RLBP1: variants seen among roughly 807,000 people sequenced by gnomAD.
RLBP1 encodes the protein retinaldehyde binding protein 1.
Under a neutral mutation model 36.2 loss-of-function variants are expected in RLBP1, and 26 were observed. The ratio of observed to expected loss-of-function variants is 0.72; its 90% CI spans 0.53 to 1.00. The LOEUF is 1.00. Among genes scored for constraint, RLBP1 ranks in the 50% least tolerant of loss-of-function variants. RLBP1 has a pLI of 0.00. For synonymous variants in RLBP1, 155 were observed against 156.2 expected (o/e 0.99, Z 0.06); for missense variants, 410 against 402.4 (o/e 1.02, Z -0.16).
At chr15:89,215,408 A>G (rs1164357551) in intron 5 of RLBP1, among the ~76,000 whole-genome samples, 170 bp from the exon 6 acceptor site, 1 of 152,206 alleles carries the variant, frequency 6.6e-6, no homozygotes, top group Non-Finnish European at 1.5e-5. Context: ...GGATCTCGAT[A>G]TTGACCTATC....
rs949654536 is a variant in RLBP1 at position 89,210,620 on chromosome 15, G to GGT, written c.795+77_795+78dup. 8.7e-6 allele frequency: 11 copies of GGT among 1,268,972 alleles called. No individual in the cohort carries two copies. In the Admixed American group the frequency reaches 2.2e-4, roughly 25 times the overall value. 78.6% of individuals were successfully genotyped at this position (1,268,972 alleles called of 1,614,324 possible). ...TGGGATCCACATAGCTCAGGACCAT[G>GGT]GTAGAGTGTGAGGAGGGCTCAGGTG... On this transcript the variant is annotated intron_variant, in intron 8 of 8. Transcript: ENST00000268125. This position sits in a 1 kb window ranked among gnomAD's most constrained non-coding sequence, Gnocchi z 4.7.
chr15:89,212,594 A>G (rs1423260910), intron 6 of RLBP1, among the ~76,000 whole-genome samples: 1 of 141,736 alleles, frequency 7.1e-6, no homozygotes, highest in Non-Finnish European at 1.5e-5. Context: ...TCAAAAAAAA[A>G]AAAAAAAAGA....
intron 4 of RLBP1, among the ~76,000 whole-genome samples, chr15:89,217,602 C>G (rs751209055): frequency 4.6e-5 from 7 of 152,266 alleles, no homozygotes; most frequent in African/African-American, 1.7e-4. Context: ...TAGCAACCTG[C>G]TAAGTCCTTT....
In RLBP1 at chr15:89,218,182, C is replaced by G. The variant is rs900630286; in HGVS notation, c.141+383G>C. On this transcript the variant is annotated intron_variant, in intron 4 of 8. Transcript: ENST00000268125. This position sits in a 1 kb window ranked among gnomAD's most constrained non-coding sequence, Gnocchi z 4.6. ...GACCCAGAGATGGAAAGCAATCTGC[C>G]TAAGGTCACACAGCAAGCTGAAAGT... 6.6e-6 allele frequency among the ~76,000 whole-genome samples: 1 copy of G among 152,218 alleles called. No homozygotes were observed. Among genetic ancestry groups the G allele is most frequent in the Non-Finnish European group, 1.5e-5 (1 of 68,040 alleles).
In RLBP1 at chr15:89,217,213, C is replaced by T. The variant is rs1447479751; in HGVS notation, c.253G>A (p.Ala85Thr). Residue 85 changes from alanine (A) to threonine (T), a missense_variant, in exon 5 of 9, where the codon GCG becomes ACG. Physicochemically the swap from Ala to Thr is moderately conservative, Grantham distance 58 (BLOSUM62 0). Transcript: ENST00000268125. ...CTGTCCTTCTCTTGCACCCTCTCCG[C>T]CACGGCCACCGCCAGCTCCTCCCCC... ...ASGEELAVAV[A>T]ERVQEKDSGF... 3 of 1,613,382 alleles carry T rather than the reference C, an allele frequency of 1.9e-6. No homozygotes were observed. The highest frequency in any genetic ancestry group is 2.2e-5 in the South Asian group (2 of 91,092).
chr15:89,219,117 T>C, intron 2 of RLBP1, 42 bp from the exon 3 acceptor site: 2 of 967,648 alleles, frequency 2.1e-6, no homozygotes, highest in Middle Eastern at 3.1e-4. Context: ...GTCTCAGAAC[T>C]GTGGATCTCA....
chr15:89,218,893 G>C lies in RLBP1; in HGVS notation c.12+71C>G. 3.2e-6 allele frequency: 5 copies of C among 1,559,544 alleles called. No homozygotes were observed. The highest frequency in any genetic ancestry group is 4.4e-6 in the Non-Finnish European group (5 of 1,133,344). On this transcript the variant is annotated intron_variant, in intron 3 of 8. Coordinates refer to ENST00000268125, the MANE Select transcript of RLBP1 (RefSeq NM_000326.5). The surrounding 1 kb of genome is among the most constrained non-coding windows in gnomAD (Gnocchi z 4.6). Reference sequence around the variant, plus strand: ...AGAGCATAAGATAGAGAAGTAAGGAGGGAGGGAGAGGGAAGAGAGAGAAGA... The same window carrying C: ...AGAGCATAAGATAGAGAAGTAAGGACGGAGGGAGAGGGAAGAGAGAGAAGA...
At position 89,210,598 on chromosome 15, in the gene RLBP1, G is replaced by A; in HGVS notation, c.795+101C>T. The A allele has an allele frequency of 2.4e-6, 3 of 1,224,968 alleles. No individual in the cohort carries two copies. Among genetic ancestry groups the A allele is most frequent in the Admixed American group, 3.9e-5 (2 of 50,850 alleles). The allele number at this position is 1,224,968 out of a possible 1,614,324, so 75.9% of individuals were successfully genotyped here. A position where few individuals can be genotyped will look rare whatever the true frequency, so the allele number is the denominator to read the frequency against. On this transcript the variant is annotated intron_variant, in intron 8 of 8. Transcript: ENST00000268125. This position sits in a 1 kb window ranked among gnomAD's most constrained non-coding sequence, Gnocchi z 4.7. Reference sequence around the variant, plus strand: ...AGGTCTCCATGTTGGGTGTCAGTGGGATCCACATAGCTCAGGACCATGGTA... The same window carrying A: ...AGGTCTCCATGTTGGGTGTCAGTGGAATCCACATAGCTCAGGACCATGGTA...
In RLBP1 at chr15:89,219,750, TC is replaced by T. The variant is rs1266497989; in HGVS notation, c.-115del. On this transcript the variant is annotated 5_prime_UTR_variant, in exon 2 of 9. Coordinates refer to ENST00000268125, the MANE Select transcript of RLBP1 (RefSeq NM_000326.5). Reference sequence around the variant, plus strand: ...CAGTACTCAGACCCAAGTTGTGACTTCCTGTCAGGACCAAGAGGCAGCCTGC... The same window carrying T: ...CAGTACTCAGACCCAAGTTGTGACTTCTGTCAGGACCAAGAGGCAGCCTGC... 1 of 152,262 alleles carries T rather than the reference TC, an allele frequency of 6.6e-6. No individual in the cohort carries two copies. Among genetic ancestry groups the T allele is most frequent in the East Asian group, 1.9e-4 (1 of 5,196 alleles). The allele number at this position is 152,262 out of a possible 1,614,324, so 9.4% of individuals were successfully genotyped here. A position where few individuals can be genotyped will look rare whatever the true frequency, so the allele number is the denominator to read the frequency against.
intron 6 of RLBP1, 131 bp from the exon 7 acceptor site, chr15:89,212,032 C>CACAGAAGTGGAATGT: frequency 1.1e-6 from 1 of 929,488 alleles, no homozygotes; most frequent in African/African-American, 1.6e-5. Flanking sequence ...CTCGGACATT[C>CACAGAAGTGGAATGT]CACTTCTGTG....
At chr15:89,217,011 G>T in intron 5 of RLBP1, 109 bp downstream of exon 5, 5 of 1,167,590 alleles carry the variant, frequency 4.3e-6, no homozygotes, top group South Asian at 1.3e-5. Context: ...CAGAGAAACT[G>T]ACTTGCCCAC....
Position 89,210,084 on chromosome 15 carries a change from T to C in RLBP1, c.*201A>G. 1 of 614,036 alleles carries C rather than the reference T, an allele frequency of 1.6e-6. No individual in the cohort carries two copies. The highest frequency in any genetic ancestry group is 2.9e-6 in the Non-Finnish European group (1 of 344,832). 38.0% of individuals were successfully genotyped at this position (614,036 alleles called of 1,614,324 possible). A position where few individuals can be genotyped will look rare whatever the true frequency, so the allele number is the denominator to read the frequency against. ...AGGTGGAAATATAACTATCCCCAGT[T>C]CTTCTTGTTCAAGGGAATTCCCCCT... On this transcript the variant is annotated 3_prime_UTR_variant, in exon 9 of 9. Coordinates refer to ENST00000268125, the MANE Select transcript of RLBP1 (RefSeq NM_000326.5). The surrounding 1 kb of genome is among the most constrained non-coding windows in gnomAD (Gnocchi z 4.7).
chr15:89,220,099 T>G (rs1224803510), intron 1 of RLBP1, among the ~76,000 whole-genome samples: 1 of 152,186 alleles, frequency 6.6e-6, no homozygotes, highest in African/African-American at 2.4e-5. Context: ...TTCAATCACC[T>G]AGTCACAGTT....
chr15:89,210,596 G>A lies in RLBP1; in HGVS notation c.795+103C>T, dbSNP rs2051529316. On this transcript the variant is annotated intron_variant, in intron 8 of 8. Transcript: ENST00000268125. The surrounding 1 kb of genome is among the most constrained non-coding windows in gnomAD (Gnocchi z 4.7). The stretch of plus-strand genomic sequence containing the variant: ...GCAGGTCTCCATGTTGGGTGTCAGT[G>A]GGATCCACATAGCTCAGGACCATGG... The A allele has an allele frequency of 8.1e-7, 1 of 1,228,352 alleles. No individual in the cohort carries two copies. The highest frequency in any genetic ancestry group is 2.5e-5 in the East Asian group (1 of 40,576). 76.1% of individuals were successfully genotyped at this position (1,228,352 alleles called of 1,614,324 possible). A position where few individuals can be genotyped will look rare whatever the true frequency, so the allele number is the denominator to read the frequency against.
rs2051525073 is a variant in RLBP1, at chr15:89,210,227, G to C, written c.*58C>G. On this transcript the variant is annotated 3_prime_UTR_variant, in exon 9 of 9. Coordinates refer to ENST00000268125, the MANE Select transcript of RLBP1 (RefSeq NM_000326.5). This position sits in a 1 kb window ranked among gnomAD's most constrained non-coding sequence, Gnocchi z 4.7. ...CAGCCCTTTCCTAGCCTTGGGTCCA[G>C]GACAGTTGAGGAGAGGCCCAGAGAT... 1 of 1,599,046 alleles carries C rather than the reference G, an allele frequency of 6.3e-7. No individual in the cohort carries two copies. The highest frequency in any genetic ancestry group is 8.5e-7 in the Non-Finnish European group (1 of 1,170,128).
At chr15:89,215,925 T>G (rs933723713) in intron 5 of RLBP1, among the ~76,000 whole-genome samples, 5 of 152,230 alleles carry the variant, frequency 3.3e-5, no homozygotes, top group African/African-American at 1.2e-4. Context: ...ATATCTCATT[T>G]CCTTCGGGTT....
intron 1 of RLBP1, among the ~76,000 whole-genome samples, chr15:89,221,101 A>G (rs1282143706): frequency 6.9e-6 from 1 of 144,808 alleles, no homozygotes; most frequent in African/African-American, 2.6e-5. Context: ...TCTGCCTCCC[A>G]GGTTCAAGCA....
At position 89,214,498 on chromosome 15, in the gene RLBP1, G is replaced by GT. The variant is rs35544184; in HGVS notation, c.525+561dup. On this transcript the variant is annotated intron_variant, in intron 6 of 8. Transcript: ENST00000268125. This position sits in a 1 kb window ranked among gnomAD's most constrained non-coding sequence, Gnocchi z 4.6. ...AATAAAATAAAATAAGTTTGTAGCA[G>GT]TTTTTTTTTTAAATTAAAGGAATCT... is the stretch of plus-strand genomic sequence containing the variant. Among the ~76,000 whole-genome samples, 58,582 of 150,650 alleles carry GT rather than the reference G, an allele frequency of 0.39. 11,777 individuals carry two copies. Among genetic ancestry groups the GT allele is most frequent in the East Asian group, 0.66 (3,419 of 5,142 alleles).
rs1279630018 is a variant in RLBP1, at chr15:89,210,680, G to C, written c.795+19C>G. The stretch of plus-strand genomic sequence containing the variant: ...CCTCAGCCCTCTTGTCTCATTGTCT[G>C]GGCGGCCCACGTACTCACCCTCTCA... On this transcript the variant is annotated intron_variant, in intron 8 of 8. Coordinates refer to ENST00000268125, the MANE Select transcript of RLBP1 (RefSeq NM_000326.5). This position sits in a 1 kb window ranked among gnomAD's most constrained non-coding sequence, Gnocchi z 4.7. The C allele has an allele frequency of 2.0e-6, 3 of 1,532,102 alleles. No individual in the cohort carries two copies. The African/African-American group carries it at 4.1e-5, about 21-fold the overall frequency. 94.9% of individuals were successfully genotyped at this position (1,532,102 alleles called of 1,614,324 possible).
Sources: gnomAD v4.1 joint callset for allele counts (sites outside exome capture counted in the v4.1 genomes callset) on GRCh38, gnomAD v4.1.1 for gene constraint, Gnocchi (gnomAD v3.1) non-coding constraint, MANE v1.5 for transcripts, NCBI Gene and HGNC (gene_info 2026-07-23, HGNC 2026-07-21) for gene names.